Variants in GALNTL6 observed in about 807,000 individuals in gnomAD.
The protein encoded by GALNTL6 is polypeptide N-acetylgalactosaminyltransferase like 6.
In GALNTL6, 46 loss-of-function variants were observed where a neutral mutation model predicts 73.7. The ratio of observed to expected loss-of-function variants is 0.62; its 90% CI spans 0.49 to 0.80. The LOEUF is 0.80. Among genes scored for constraint, GALNTL6 ranks in the 30% least tolerant of loss-of-function variants. GALNTL6 has a pLI of 0.00. For synonymous variants in GALNTL6, 259 were observed against 263.7 expected (o/e 0.98, Z 0.17); for missense variants, 604 against 755.0 (o/e 0.80, Z 2.34).
intron 2 of GALNTL6, among the ~76,000 whole-genome samples, chr4:172,106,275 T>C (rs1027504096): frequency 6.6e-6 from 1 of 152,148 alleles, no homozygotes; most frequent in Non-Finnish European, 1.5e-5. Flanking sequence ...AGGGTCAAAA[T>C]TGTAAAATCC....
intron 5 of GALNTL6, among the ~76,000 whole-genome samples, chr4:172,772,650 T>C (rs962900764): frequency 6.6e-6 from 1 of 152,142 alleles, no homozygotes; most frequent in African/African-American, 2.4e-5. Flanking sequence ...CAAGATTGTT[T>C]TAACTGTTTT....
intron 2 of GALNTL6, among the ~76,000 whole-genome samples, chr4:172,050,483 A>G (rs1355134236): frequency 6.6e-6 from 1 of 152,162 alleles, no homozygotes; most frequent in Non-Finnish European, 1.5e-5. Context: ...GGCAGAAAAG[A>G]ACTTTAGCTT....
chr4:172,820,495 T>G (rs968097794), intron 7 of GALNTL6, among the ~76,000 whole-genome samples: 1 of 152,164 alleles, frequency 6.6e-6, no homozygotes, highest in Admixed American at 6.5e-5. Flanking sequence ...AAGCATGAAA[T>G]TGATTTCCCA....
intron 5 of GALNTL6, among the ~76,000 whole-genome samples, chr4:172,408,694 T>C (rs1744323164): frequency 6.6e-6 from 1 of 151,934 alleles, no homozygotes; most frequent in Non-Finnish European, 1.5e-5. Flanking sequence ...TAAACTGATG[T>C]TGTTAGTAGG....
At chr4:172,197,884 C>T (rs372916341) in intron 2 of GALNTL6, among the ~76,000 whole-genome samples, 33 of 152,190 alleles carry the variant, frequency 2.2e-4, no homozygotes, top group African/African-American at 6.0e-4. Context: ...CCAGAGCGGG[C>T]AGATCACGAG....
intron 2 of GALNTL6, among the ~76,000 whole-genome samples, chr4:172,021,401 T>C (rs893886045): frequency 6.6e-6 from 1 of 151,968 alleles, no homozygotes; most frequent in African/African-American, 2.4e-5. Flanking sequence ...GTGAAAGATA[T>C]CTACAATGAA....
At position 172,786,897 on chromosome 4, in the gene GALNTL6, T is replaced by C. The variant is rs190163241; in HGVS notation, c.554-22464T>C. Among the ~76,000 whole-genome samples the C allele has an allele frequency of 2.0e-5, 3 of 152,326 alleles. No individual in the cohort carries two copies. The East Asian group carries it at 5.8e-4, about 29-fold the overall frequency. ...TAAGTAGACTGAGCCATGTCAAGTTTCGGTAATTTATCACAAAGTGAACTA... is the reference window on the plus strand; with the variant it reads ...TAAGTAGACTGAGCCATGTCAAGTTCCGGTAATTTATCACAAAGTGAACTA... On this transcript the variant is annotated intron_variant, in intron 5 of 12. Transcript: ENST00000506823.
intron 2 of GALNTL6, among the ~76,000 whole-genome samples, chr4:172,201,070 A>G (rs1437507584): frequency 1.3e-5 from 2 of 152,144 alleles, no homozygotes; most frequent in East Asian, 1.9e-4. Context: ...CTTAAAAACG[A>G]TACATAAGGA....
intron 5 of GALNTL6, among the ~76,000 whole-genome samples, chr4:172,557,827 A>G (rs998213686): frequency 1.3e-5 from 2 of 151,292 alleles, no homozygotes; most frequent in Non-Finnish European, 2.9e-5. Flanking sequence ...TTAGAAAAAG[A>G]AATCTAGGTG....
At position 171,909,976 on chromosome 4, in the gene GALNTL6, A is replaced by T. The variant is rs578093708; in HGVS notation, c.138+95258A>T. ...CAATGGCTTTGATTTTTGGAATATG[A>T]ACAATAATTGTGAAGATTTTTAATA... On this transcript the variant is annotated intron_variant, in intron 2 of 12. Transcript: ENST00000506823. Among the ~76,000 whole-genome samples, 4 of 152,306 alleles carry T rather than the reference A, an allele frequency of 2.6e-5. 1 individual carries two copies. Among genetic ancestry groups the T allele is most frequent in the African/African-American group, 9.6e-5 (4 of 41,584 alleles).
At chr4:172,547,931 AGTGGTAGT>A (rs1735831070) in intron 5 of GALNTL6, among the ~76,000 whole-genome samples, 1 of 152,076 alleles carries the variant, frequency 6.6e-6, no homozygotes, top group Non-Finnish European at 1.5e-5. Flanking sequence ...AAAGAGCCCC[AGTGGTAGT>A]GCAAGCTGTA....
At chr4:172,276,607 A>G (rs1048009725) in intron 3 of GALNTL6, among the ~76,000 whole-genome samples, 1 of 152,164 alleles carries the variant, frequency 6.6e-6, no homozygotes, top group Non-Finnish European at 1.5e-5. Context: ...TAAAGAGGAA[A>G]CGAAAAGTTA....
intron 5 of GALNTL6, among the ~76,000 whole-genome samples, chr4:172,761,573 T>C (rs1352357826): frequency 6.6e-6 from 1 of 152,188 alleles, no homozygotes; most frequent in Non-Finnish European, 1.5e-5. Context: ...AACTGGATTA[T>C]GGGGATGGAT....
At chr4:172,628,450 G>T (rs1391285728) in intron 5 of GALNTL6, among the ~76,000 whole-genome samples, 1 of 151,854 alleles carries the variant, frequency 6.6e-6, no homozygotes, top group African/African-American at 2.4e-5. Flanking sequence ...GCTGCAGGTA[G>T]GCTGGGCACG....
chr4:172,012,304 C>T (rs1741035423), intron 2 of GALNTL6, among the ~76,000 whole-genome samples: 1 of 152,078 alleles, frequency 6.6e-6, no homozygotes, highest in African/African-American at 2.4e-5. Flanking sequence ...GCTCCCTTTT[C>T]ACCAGGGCCG....
chr4:172,189,895 C>T (rs1735522847), intron 2 of GALNTL6, among the ~76,000 whole-genome samples: 1 of 152,142 alleles, frequency 6.6e-6, no homozygotes, highest in South Asian at 2.1e-4. Context: ...AAAATCCAAG[C>T]TGCTATTCAG....
chr4:172,657,606 T>G (rs1192760121), intron 5 of GALNTL6, among the ~76,000 whole-genome samples: 3 of 152,178 alleles, frequency 2.0e-5, no homozygotes, highest in Non-Finnish European at 2.9e-5. Flanking sequence ...GCTTAGAAAA[T>G]ACACCATCAG....
At chr4:172,277,859 T>C (rs890291592) in intron 3 of GALNTL6, among the ~76,000 whole-genome samples, 3 of 152,214 alleles carry the variant, frequency 2.0e-5, no homozygotes, top group African/African-American at 7.2e-5. Context: ...ATTCTAGAAA[T>C]GCAAATCCAG....
At chr4:172,270,907 T>A (rs1738624050) in intron 3 of GALNTL6, among the ~76,000 whole-genome samples, 1 of 152,158 alleles carries the variant, frequency 6.6e-6, no homozygotes, top group African/African-American at 2.4e-5. Flanking sequence ...AACATGTAAC[T>A]AGTATATTCA....
Sources: allele counts gnomAD v4.1 joint callset (sites outside exome capture counted in the v4.1 genomes callset), GRCh38; gene constraint gnomAD v4.1.1; transcripts MANE v1.5; gene names NCBI Gene and HGNC (gene_info 2026-07-23, HGNC 2026-07-21).